CD96: variants seen among roughly 807,000 people sequenced by gnomAD.
CD96 encodes the protein CD96 molecule, also known as T-cell surface protein tactile.
CD96 carries 70 observed loss-of-function variants against 71.3 expected under a neutral mutation model. The ratio of observed to expected loss-of-function variants is 0.98; its 90% CI spans 0.81 to 1.20. CD96 has a LOEUF of 1.20. CD96 is among the 50% of genes most tolerant of loss of function. CD96 has a pLI of 0.00. For missense variants in CD96, 742 were observed against 677.5 expected (o/e 1.10, Z -1.06); for synonymous variants, 248 against 233.0 (o/e 1.06, Z -0.59).
intron 2 of CD96, among the ~76,000 whole-genome samples, chr3:111,556,838 C>G (rs1008584456): frequency 4.6e-5 from 7 of 151,378 alleles, no homozygotes; most frequent in African/African-American, 1.5e-4. Flanking sequence ...AAAAGTGTTC[C>G]TGTTTCTCCA....
At chr3:111,640,963 T>C (rs1477588003) in intron 12 of CD96, among the ~76,000 whole-genome samples, 1 of 152,130 alleles carries the variant, frequency 6.6e-6, no homozygotes, top group Non-Finnish European at 1.5e-5. Context: ...AAACCACCAC[T>C]ACAGGAACTG....
rs974042273 is a variant in CD96, at chr3:111,573,315, G to T, written c.543+5668G>T. Among the ~76,000 whole-genome samples the T allele has an allele frequency of 2.0e-5, 3 of 152,046 alleles. No homozygotes were observed. The East Asian group carries it at 5.8e-4, about 29-fold the overall frequency. On this transcript the variant is annotated intron_variant, in intron 3 of 13. Transcript: ENST00000352690. ...CAATAAACATATATGAATCTGTTTT[G>T]AGCACTAAGTCCTGCAGGGATACAA... is the stretch of plus-strand genomic sequence containing the variant.
chr3:111,564,913 C>T (rs971220792), intron 2 of CD96, among the ~76,000 whole-genome samples: 2 of 152,126 alleles, frequency 1.3e-5, no homozygotes, highest in Non-Finnish European at 2.9e-5. Flanking sequence ...TCACTTTTAC[C>T]TAAATTGCCT....
chr3:111,574,614 T>C (rs1159477915), intron 3 of CD96, among the ~76,000 whole-genome samples: 1 of 152,204 alleles, frequency 6.6e-6, no homozygotes, highest in Non-Finnish European at 1.5e-5. Flanking sequence ...TCAGCAGTTA[T>C]CATGCTAATT....
At chr3:111,573,144 T>C (rs894041577) in intron 3 of CD96, among the ~76,000 whole-genome samples, 13 of 152,214 alleles carry the variant, frequency 8.5e-5, no homozygotes, top group African/African-American at 3.1e-4. Context: ...TGGTATTTTT[T>C]CCCATCTTAT....
intron 5 of CD96, chr3:111,593,698 T>C: frequency 1.2e-6 from 2 of 1,613,874 alleles, no homozygotes; most frequent in Admixed American, 1.7e-5. Context: ...TCTCCCGCCA[T>C]TCCACTGCCC....
intron 2 of CD96, among the ~76,000 whole-genome samples, chr3:111,546,919 T>TACACACAC (rs60838213): frequency 0.048 from 6,627 of 138,132 alleles, 586 homozygotes; most frequent in African/African-American, 0.16. Flanking sequence ...CACAGACACA[T>TACACACAC]ACACACACAC....
rs780861387 is a variant in CD96 at position 111,649,685 on chromosome 3, A to G, written c.1602-13A>G. ...CAATTCTTAGCATTGAAAGACCAAT[A>G]TTTTGTTCCTAGAATGGAAAGACCT... On this transcript the variant is annotated splice_polypyrimidine_tract_variant and intron_variant, in intron 13 of 13. Transcript: ENST00000352690. 9.1e-6 allele frequency: 14 copies of G among 1,540,778 alleles called. No individual in the cohort carries two copies. The highest frequency in any genetic ancestry group is 1.8e-6 in the Non-Finnish European group (2 of 1,113,450).
chr3:111,583,492 C>T (rs1464449357), intron 4 of CD96, among the ~76,000 whole-genome samples: 1 of 152,256 alleles, frequency 6.6e-6, no homozygotes, highest in Non-Finnish European at 1.5e-5. Context: ...TCCAACCCCA[C>T]ATTTCCCTTC....
Position 111,650,019 on chromosome 3 carries a change from C to T in CD96, c.*213C>T, listed in dbSNP as rs1940007408. 1.7e-6 allele frequency: 1 copy of T among 573,722 alleles called. No individual in the cohort carries two copies. Among genetic ancestry groups the T allele is most frequent in the South Asian group, 1.9e-5 (1 of 52,200 alleles). The allele number at this position is 573,722 out of a possible 1,614,324, so 35.5% of individuals were successfully genotyped here. A position where few individuals can be genotyped will look rare whatever the true frequency, so the allele number is the denominator to read the frequency against. The stretch of plus-strand genomic sequence containing the variant: ...AGAGTGAGAGGATATGTCATGTTCA[C>T]ACTCAATGCAATTCGTAGTGGTTTT... On this transcript the variant is annotated 3_prime_UTR_variant, in exon 14 of 14. Coordinates refer to ENST00000352690, the MANE Select transcript of CD96 (RefSeq NM_005816.5).
chr3:111,640,822 G>C (rs1262948268), intron 12 of CD96, among the ~76,000 whole-genome samples: 1 of 152,096 alleles, frequency 6.6e-6, no homozygotes, highest in Non-Finnish European at 1.5e-5. Context: ...GAAGAGACTG[G>C]GGACCTATCT....
intron 13 of CD96, among the ~76,000 whole-genome samples, chr3:111,649,096 G>A (rs1479830056): frequency 6.6e-6 from 1 of 152,180 alleles, no homozygotes; most frequent in African/African-American, 2.4e-5. Context: ...GAGTGTTTGG[G>A]CAAAGGCTGG....
downstream of CD96, among the ~76,000 whole-genome samples, chr3:111,656,627 G>T (rs971899949): frequency 9.2e-5 from 14 of 152,060 alleles, no homozygotes; most frequent in Admixed American, 1.3e-4. Flanking sequence ...TAGGAGATTG[G>T]TTGAATAAAA....
chr3:111,571,045 G>A lies in CD96; in HGVS notation c.543+3398G>A. On this transcript the variant is annotated intron_variant, in intron 3 of 13. Coordinates refer to ENST00000352690, the MANE Select transcript of CD96 (RefSeq NM_005816.5). ...GGGGTCAGCGGCTTGTAGGAGGGAG[G>A]TCCCTCCAGGCTGTGGGGTAGGAGG... 5.1e-6 allele frequency: 6 copies of A among 1,166,016 alleles called. No individual in the cohort carries two copies. In the South Asian group the frequency reaches 6.1e-5, roughly 12 times the overall value. 72.2% of individuals were successfully genotyped at this position (1,166,016 alleles called of 1,614,324 possible).
chr3:111,637,533 AT>A (rs918081673), intron 11 of CD96, among the ~76,000 whole-genome samples: 17 of 152,144 alleles, frequency 1.1e-4, no homozygotes, highest in Non-Finnish European at 1.8e-4. Context: ...ATAAATTTCA[AT>A]TTTTTTATTG....
At chr3:111,556,348 T>TC (rs1259984083) in intron 2 of CD96, among the ~76,000 whole-genome samples, 1 of 93,416 alleles carries the variant, frequency 1.1e-5, no homozygotes, top group Non-Finnish European at 2.1e-5. Context: ...ATGCTATCCC[T>TC]CCCCCCTCCC....
rs779509913 is a variant in CD96, at chr3:111,647,639, G to C, written c.1574G>C (p.Arg525Thr). 3.7e-6 allele frequency: 6 copies of C among 1,610,804 alleles called. No individual in the cohort carries two copies. The South Asian group carries it at 6.6e-5, about 18-fold the overall frequency. Reference sequence around the variant, plus strand: ...ATGATATTGTTTGGTCTTGGAGTGAGAAAATGGTGTCAGTACCAAAAAGAA... The same window carrying C: ...ATGATATTGTTTGGTCTTGGAGTGACAAAATGGTGTCAGTACCAAAAAGAA... ...CCMILFGLGV[R>T]KWCQYQKEIM... Residue 525 changes from arginine to threonine, a missense_variant, in exon 13 of 14, where the codon AGA becomes ACA. Transcript: ENST00000352690.
chr3:111,582,434 T>C (rs1369776100), intron 4 of CD96, among the ~76,000 whole-genome samples: 1 of 152,216 alleles, frequency 6.6e-6, no homozygotes, highest in East Asian at 1.9e-4. Context: ...TCAGAGGCAC[T>C]TAAAATCTAG....
intron 4 of CD96, among the ~76,000 whole-genome samples, chr3:111,581,341 C>T (rs1936455567): frequency 6.6e-6 from 1 of 152,140 alleles, no homozygotes; most frequent in Admixed American, 6.6e-5. Context: ...TGGCCCTGAC[C>T]ACATATCTTA....
Sources: allele counts gnomAD v4.1 joint callset (sites outside exome capture counted in the v4.1 genomes callset), GRCh38; gene constraint gnomAD v4.1.1; transcripts MANE v1.5; gene names NCBI Gene and HGNC (gene_info 2026-07-23, HGNC 2026-07-21).